Variants in ZNF155 observed in about 807,000 individuals in gnomAD.
ZNF155 encodes the protein KRAB A domain.
ZNF155 carries 15 observed loss-of-function variants against 11.9 expected under a neutral mutation model. The ratio of observed to expected loss-of-function variants is 1.26; its 90% CI spans 0.84 to 1.94. ZNF155 has a LOEUF of 1.94. ZNF155 is among the 30% of genes most tolerant of loss of function. The pLI, the probability that ZNF155 is intolerant of heterozygous loss-of-function variation, is 0.00. For synonymous variants in ZNF155, 212 were observed against 219.9 expected (o/e 0.96, Z 0.32); for missense variants, 602 against 639.1 (o/e 0.94, Z 0.63).
In ZNF155 at chr19:43,997,080, GATTTTATACAA is replaced by G; in HGVS notation, c.1227_1237del (p.Tyr410ThrfsTer12). 6.2e-7 allele frequency: 1 copy of G among 1,613,482 alleles called. No homozygotes were observed. The highest frequency in any genetic ancestry group is 1.1e-5 in the South Asian group (1 of 91,060). On this transcript the variant is annotated frameshift_variant, in exon 5 of 5. Transcript: ENST00000270014. LOFTEE classifies it low-confidence loss of function (END_TRUNC). ...TTCAAATGTGAAGAATGTGGAAAGG[GATTTTATACAA>G]ATTCACAACTGTCTTCCCATCAGAG...
intron 1 of ZNF155, among the ~76,000 whole-genome samples, chr19:43,984,505 T>C (rs1439806461): frequency 6.6e-6 from 1 of 152,018 alleles, no homozygotes; most frequent in African/African-American, 2.4e-5. Flanking sequence ...TAGAGGGTTT[T>C]CCAGGTGTTT....
In ZNF155 at chr19:43,997,237, A is replaced by G. The variant is rs1442219598; in HGVS notation, c.1380A>G (p.Glu460=). ...GAGAGAGACCTTATAATTGTAAGGAATGTGGGAAGAACTTTAGCCGGGCCT... is the reference window on the plus strand; with the variant it reads ...GAGAGAGACCTTATAATTGTAAGGAGTGTGGGAAGAACTTTAGCCGGGCCT... The part of the protein sequence containing the change: ...HTGERPYNCK[E]CGKNFSRASS... Residue 460 remains glutamate, a synonymous_variant, in exon 5 of 5, where the codon GAA becomes GAG. Coordinates refer to ENST00000270014, the MANE Select transcript of ZNF155 (RefSeq NM_198089.3). The G allele has an allele frequency of 6.2e-7, 1 of 1,614,144 alleles. No individual in the cohort carries two copies. Among genetic ancestry groups the G allele is most frequent in the South Asian group, 1.1e-5 (1 of 91,070 alleles).
intron 1 of ZNF155, among the ~76,000 whole-genome samples, chr19:43,987,005 G>T (rs1975484521): frequency 2.0e-5 from 3 of 152,156 alleles, no homozygotes; most frequent in African/African-American, 7.2e-5. Context: ...TGGTGATCAT[G>T]GGGTGACTTG....
intron 3 of ZNF155, 62 bp downstream of exon 3, chr19:43,991,736 G>T: frequency 1.2e-6 from 2 of 1,610,090 alleles, no homozygotes; most frequent in Non-Finnish European, 1.7e-6. Context: ...GTACCTTAGA[G>T]TGTTCAAGTT....
intron 2 of ZNF155, chr19:43,990,082 A>C: frequency 6.6e-7 from 1 of 1,523,582 alleles, no homozygotes; most frequent in Non-Finnish European, 8.7e-7. Context: ...AGAGAAGCAA[A>C]GTACTTGTAT....
intron 1 of ZNF155, among the ~76,000 whole-genome samples, chr19:43,987,551 CA>C (rs1425604441): frequency 1.3e-5 from 2 of 152,198 alleles, no homozygotes; most frequent in African/African-American, 4.8e-5. Flanking sequence ...TGTAACATAA[CA>C]GGGCCAAACG....
Position 43,996,433 on chromosome 19 carries a change from T to C in ZNF155, c.576T>C (p.His192=), listed in dbSNP as rs1212975878. 1.2e-6 allele frequency: 2 copies of C among 1,614,228 alleles called. No individual in the cohort carries two copies. Among genetic ancestry groups the C allele is most frequent in the East Asian group, 4.5e-5 (2 of 44,888 alleles). The stretch of plus-strand genomic sequence containing the variant: ...GCATCTGTTACATCTCAGCTCTTCA[T>C]GTTCATCAGAGAGTCCACGTGGGAG... The part of the protein sequence containing the change: ...GKSICYISAL[H]VHQRVHVGEK... The change falls in exon 5 of 5, where the codon CAT becomes CAC. Residue 192 remains histidine (H), a synonymous_variant. Transcript: ENST00000270014.
chr19:43,986,518 C>T (rs183694469), intron 1 of ZNF155, among the ~76,000 whole-genome samples: 45 of 148,254 alleles, frequency 3.0e-4, no homozygotes, highest in Non-Finnish European at 5.8e-4. Context: ...GGTGCGATCT[C>T]GGCTCACTGT....
At chr19:43,986,990 T>A (rs1188782447) in intron 1 of ZNF155, among the ~76,000 whole-genome samples, 1 of 152,178 alleles carries the variant, frequency 6.6e-6, no homozygotes, top group African/African-American at 2.4e-5. Flanking sequence ...GAAGCCCACA[T>A]TCCATGGTGA....
In ZNF155 at chr19:43,996,898, G is replaced by A. The variant is rs755176503; in HGVS notation, c.1041G>A (p.Glu347=). 2 of 1,614,048 alleles carry A rather than the reference G, an allele frequency of 1.2e-6. No homozygotes were observed. The highest frequency in any genetic ancestry group is 2.2e-5 in the South Asian group (2 of 91,070). ...VHTGEKPYRC[E]QCGKGFIGRL... is the part of the protein sequence containing the mutation. ...CAGGAGAGAAACCGTACAGATGTGA[G>A]CAGTGTGGAAAAGGCTTTATTGGTA... Residue 347 remains glutamate, a synonymous_variant, in exon 5 of 5, where the codon GAG becomes GAA. Coordinates refer to ENST00000270014, the MANE Select transcript of ZNF155 (RefSeq NM_198089.3).
intron 2 of ZNF155, among the ~76,000 whole-genome samples, chr19:43,991,312 A>G (rs2147386052): frequency 6.6e-6 from 1 of 152,284 alleles, no homozygotes; most frequent in East Asian, 1.9e-4. Flanking sequence ...AGTAGACTCA[A>G]TGAGTGCACA....
Position 43,997,211 on chromosome 19 carries a change from GGA to G in ZNF155, c.1361_1362del (p.Arg454ThrfsTer3), listed in dbSNP as rs1975926347. The G allele has an allele frequency of 6.2e-7, 1 of 1,614,156 alleles. No individual in the cohort carries two copies. Among genetic ancestry groups the G allele is most frequent in the Non-Finnish European group, 8.5e-7 (1 of 1,180,034 alleles). On this transcript the variant is annotated frameshift_variant, in exon 5 of 5. Transcript: ENST00000270014. LOFTEE classifies it low-confidence loss of function (END_TRUNC). ...NLDLHQRVHT[G>X]ERPYNCKECG... ...TGACTTGCACCAGAGGGTCCACACG[GGA>G]GAGAGACCTTATAATTGTAAGGAAT...
At chr19:43,986,637 G>A (rs1045349564) in intron 1 of ZNF155, among the ~76,000 whole-genome samples, 1 of 151,948 alleles carries the variant, frequency 6.6e-6, no homozygotes, top group East Asian at 1.9e-4. Context: ...ATTTAGTAGA[G>A]ACGAGGTTTC....
intron 1 of ZNF155, among the ~76,000 whole-genome samples, chr19:43,985,336 C>T (rs1975399048): frequency 6.6e-6 from 1 of 152,122 alleles, no homozygotes; most frequent in African/African-American, 2.4e-5. Flanking sequence ...GCTGGAATTA[C>T]AGGTGTGAGC....
At chr19:43,985,730 T>C (rs532764989) in intron 1 of ZNF155, among the ~76,000 whole-genome samples, 36 of 152,026 alleles carry the variant, frequency 2.4e-4, no homozygotes, top group African/African-American at 8.2e-4. Flanking sequence ...TTAGTAAAGA[T>C]GGGGTTTCAC....
In ZNF155 at chr19:43,997,580, T is replaced by G. The variant is rs1453368031; in HGVS notation, c.*106T>G. On this transcript the variant is annotated 3_prime_UTR_variant, in exon 5 of 5. Coordinates refer to ENST00000270014, the MANE Select transcript of ZNF155 (RefSeq NM_198089.3). ...ATCTGTTACCTCAAACATTTACCAT[T>G]TCTTTGTGTTGGAAAATTCAAAATC... is the stretch of plus-strand genomic sequence containing the variant. 3.7e-6 allele frequency: 4 copies of G among 1,075,862 alleles called. No individual in the cohort carries two copies. The East Asian group carries it at 1.1e-4, about 29-fold the overall frequency. 66.6% of individuals were successfully genotyped at this position (1,075,862 alleles called of 1,614,324 possible). A position where few individuals can be genotyped will look rare whatever the true frequency, so the allele number is the denominator to read the frequency against.
chr19:43,989,086 A>T (rs1182426766), intron 2 of ZNF155: 1 of 152,240 alleles, frequency 6.6e-6, no homozygotes, highest in African/African-American at 2.4e-5. Flanking sequence ...TGAAAACCAT[A>T]TGCCATTTTA....
rs1386367707 is a variant in ZNF155, at chr19:43,997,017, T to C, written c.1160T>C (p.Leu387Pro). 1 of 1,614,176 alleles carries C rather than the reference T, an allele frequency of 6.2e-7. No homozygotes were observed. Among genetic ancestry groups the C allele is most frequent in the Admixed American group, 1.7e-5 (1 of 60,018 alleles). The change falls in exon 5 of 5, where the codon CTT (leucine) becomes CCT (proline). Residue 387 changes from leucine to proline, a missense_variant. Transcript: ENST00000270014. ...AAGAGCTTCAGATGGTCCTCATGCCTTTTGAACCATCAGCGAGTCCACAGT... is the reference window on the plus strand; with the variant it reads ...AAGAGCTTCAGATGGTCCTCATGCCCTTTGAACCATCAGCGAGTCCACAGT... The part of the protein sequence containing the change: ...CGKSFRWSSC[L>P]LNHQRVHSGE...
rs903149356 is a variant in ZNF155, at chr19:43,998,156, A to G, written c.*682A>G. The G allele has an allele frequency of 6.6e-6, 1 of 152,146 alleles. No individual in the cohort carries two copies. Among genetic ancestry groups the G allele is most frequent in the Non-Finnish European group, 1.5e-5 (1 of 68,080 alleles). 9.4% of individuals were successfully genotyped at this position (152,146 alleles called of 1,614,324 possible). A position where few individuals can be genotyped will look rare whatever the true frequency, so the allele number is the denominator to read the frequency against. ...TGGTCCCGGGCCAAGGTCCCAGACC[A>G]AGCTGAATCACGCTTTCTCCAAGAC... is the stretch of plus-strand genomic sequence containing the variant. On this transcript the variant is annotated 3_prime_UTR_variant, in exon 5 of 5. Coordinates refer to ENST00000270014, the MANE Select transcript of ZNF155 (RefSeq NM_198089.3).
Sources: allele counts gnomAD v4.1 joint callset (sites outside exome capture counted in the v4.1 genomes callset), GRCh38; gene constraint gnomAD v4.1.1; transcripts MANE v1.5; gene names NCBI Gene and HGNC (gene_info 2026-07-23, HGNC 2026-07-21).